The following TANC1 variants were observed in gnomAD, a reference collection of about 807,000 sequenced individuals.
TANC1 encodes the protein protein TANC1.
In TANC1, 77 loss-of-function variants were observed where a neutral mutation model predicts 149.7. The observed-to-expected ratio is 0.51, with a 90% CI of 0.43 to 0.62. TANC1 has a LOEUF of 0.62. Among genes scored for constraint, TANC1 ranks in the 20% least tolerant of loss-of-function variants. The probability of loss-of-function intolerance (pLI) is 0.00; values close to 1 mark genes in which losing one functional copy is unlikely to be tolerated. For missense variants in TANC1, 1,985 were observed against 2,321.8 expected (o/e 0.85, Z 2.98); for synonymous variants, 854 against 925.0 (o/e 0.92, Z 1.39).
In TANC1 at chr2:159,231,185, A is replaced by G. The variant is rs2060317875; in HGVS notation, c.*173A>G. On this transcript the variant is annotated 3_prime_UTR_variant, in exon 27 of 27. Transcript: ENST00000263635. ...GGATAAAACTTCTTTAATAGCTAGA[A>G]ATCACCATAAATAAGAATGCTAAAC... 1 of 562,348 alleles carries G rather than the reference A, an allele frequency of 1.8e-6. No homozygotes were observed. Among genetic ancestry groups the G allele is most frequent in the African/African-American group, 1.9e-5 (1 of 53,330 alleles). 34.8% of individuals were successfully genotyped at this position (562,348 alleles called of 1,614,324 possible).
chr2:159,195,112 C>T (rs2057751028), intron 17 of TANC1, among the ~76,000 whole-genome samples: 1 of 152,162 alleles, frequency 6.6e-6, no homozygotes, highest in African/African-American at 2.4e-5. Flanking sequence ...ATACAAGTTA[C>T]TCTAGAGCGA....
At chr2:159,175,301 G>C in intron 12 of TANC1, 117 bp downstream of exon 12, 1 of 780,648 alleles carries the variant, frequency 1.3e-6, no homozygotes, top group Non-Finnish European at 2.1e-6. Flanking sequence ...AGCATGGAGA[G>C]GATGTCGAAG....
At chr2:159,186,817 T>A (rs947860982) in intron 15 of TANC1, 85 bp from the exon 16 acceptor site, 1 of 1,577,598 alleles carries the variant, frequency 6.3e-7, no homozygotes, top group African/African-American at 1.3e-5. Context: ...CAGACCCACT[T>A]TCAGAGTGAC....
intron 19 of TANC1, among the ~76,000 whole-genome samples, chr2:159,207,691 G>T (rs6709178): frequency 0.92 from 111,338 of 120,506 alleles, 51,453 homozygotes; most frequent in Non-Finnish European, 0.96. Flanking sequence ...TGAGCAACAC[G>T]TGTCTCAAAA....
chr2:159,135,978 C>T (rs1384758964), intron 4 of TANC1, among the ~76,000 whole-genome samples: 2 of 148,054 alleles, frequency 1.4e-5, no homozygotes, highest in African/African-American at 2.5e-5. Flanking sequence ...CCAGACTGGA[C>T]GTTCCCTCGT....
chr2:159,060,649 C>T (rs546114497), intron 2 of TANC1, among the ~76,000 whole-genome samples: 19 of 152,240 alleles, frequency 1.2e-4, no homozygotes, highest in African/African-American at 3.6e-4. Flanking sequence ...AGGGTGGGTG[C>T]GAAGCCTGTG....
At chr2:159,210,938 C>T (rs2150851798) in intron 19 of TANC1, among the ~76,000 whole-genome samples, 1 of 151,612 alleles carries the variant, frequency 6.6e-6, no homozygotes, top group East Asian at 1.9e-4. Context: ...ATGGCACAAT[C>T]TCAGCTCACT....
At chr2:159,185,264 A>C (rs2056866657) in intron 14 of TANC1, among the ~76,000 whole-genome samples, 1 of 152,210 alleles carries the variant, frequency 6.6e-6, no homozygotes, top group Non-Finnish European at 1.5e-5. Flanking sequence ...CTTTCACAAA[A>C]GGGAAATGGG....
At chr2:159,153,532 G>C (rs1342868640) in intron 7 of TANC1, among the ~76,000 whole-genome samples, 1 of 152,214 alleles carries the variant, frequency 6.6e-6, no homozygotes, top group Admixed American at 6.5e-5. Context: ...GCGTTCCTCT[G>C]TTCTCCTTCC....
intron 1 of TANC1, among the ~76,000 whole-genome samples, chr2:158,986,256 G>A (rs2034992157): frequency 7.0e-6 from 1 of 141,960 alleles, no homozygotes; most frequent in African/African-American, 3.1e-5. Context: ...GGAATACTTA[G>A]CAGCTTACTG....
intron 2 of TANC1, chr2:159,059,969 C>G (rs576287587): frequency 7.1e-6 from 1 of 141,410 alleles, no homozygotes; most frequent in Admixed American, 7.9e-5. Context: ...TGGTCTCTTA[C>G]GCTTTGTTTT....
At chr2:159,079,535 A>C (rs2044050191) in intron 3 of TANC1, among the ~76,000 whole-genome samples, 1 of 152,180 alleles carries the variant, frequency 6.6e-6, no homozygotes, top group African/African-American at 2.4e-5. Context: ...TGGGCAGTAT[A>C]GCAGCCAGGC....
intron 1 of TANC1, among the ~76,000 whole-genome samples, chr2:158,986,144 C>G (rs561056269): frequency 6.0e-4 from 92 of 152,318 alleles, no homozygotes; most frequent in African/African-American, 2.2e-3. Flanking sequence ...TGCAAGAGCT[C>G]AGTCCAAATC....
chr2:159,065,984 G>A lies in TANC1; in HGVS notation c.61+13G>A, dbSNP rs1323542935. On this transcript the variant is annotated intron_variant, in intron 3 of 26. Transcript: ENST00000263635. ...AAGAAGGAAGCAGGTATGTGTGCAAGAATGAGAAGCTCAGCCATGGACAGC... is the reference window on the plus strand; with the variant it reads ...AAGAAGGAAGCAGGTATGTGTGCAAAAATGAGAAGCTCAGCCATGGACAGC... The A allele has an allele frequency of 1.2e-6, 2 of 1,606,852 alleles. No individual in the cohort carries two copies. Among genetic ancestry groups the A allele is most frequent in the East Asian group, 2.2e-5 (1 of 44,848 alleles).
At chr2:159,099,063 C>T (rs10198413) in intron 4 of TANC1, among the ~76,000 whole-genome samples, 37,437 of 151,992 alleles carry the variant, frequency 0.25, 4,755 homozygotes, top group South Asian at 0.39. Context: ...GGTTTATGTG[C>T]GGGTAAAATT....
chr2:159,096,506 G>C (rs2046153082), intron 3 of TANC1, among the ~76,000 whole-genome samples: 1 of 152,102 alleles, frequency 6.6e-6, no homozygotes, highest in African/African-American at 2.4e-5. Context: ...TCTGCAGAAA[G>C]GGTGCTCATC....
intron 2 of TANC1, among the ~76,000 whole-genome samples, chr2:159,063,059 G>C (rs182279477): frequency 2.0e-4 from 30 of 150,244 alleles, no homozygotes; most frequent in Admixed American, 1.9e-3. Flanking sequence ...TTTATTCTCA[G>C]AATTGTCTGT....
intron 1 of TANC1, among the ~76,000 whole-genome samples, chr2:158,980,707 G>A (rs1220640543): frequency 1.3e-5 from 2 of 151,392 alleles, no homozygotes; most frequent in African/African-American, 2.4e-5. Context: ...CCCAGAAGAC[G>A]GAGCTTGCAG....
intron 3 of TANC1, among the ~76,000 whole-genome samples, chr2:159,071,420 T>C (rs2043147288): frequency 6.6e-6 from 1 of 152,224 alleles, no homozygotes; most frequent in South Asian, 2.1e-4. Context: ...ACCTTTACCT[T>C]TCTCTCATTA....
Sources: allele counts gnomAD v4.1 joint callset (sites outside exome capture counted in the v4.1 genomes callset), GRCh38; gene constraint gnomAD v4.1.1; transcripts MANE v1.5; gene names NCBI Gene and HGNC (gene_info 2026-07-23, HGNC 2026-07-21).